The following SIL1 variants were observed in gnomAD, a reference collection of about 807,000 sequenced individuals.
SIL1 encodes SIL1 nucleotide exchange factor.
Under a neutral mutation model 49.1 loss-of-function variants are expected in SIL1, and 40 were observed. The observed-to-expected ratio is 0.81, with a 90% CI of 0.63 to 1.06. The LOEUF (loss-of-function observed/expected upper bound fraction) is 1.06, where lower values mean the gene tolerates loss of function less well. Among genes scored for constraint, SIL1 ranks in the 50% least tolerant of loss-of-function variants. The probability of loss-of-function intolerance (pLI) is 0.00; values close to 1 mark genes in which losing one functional copy is unlikely to be tolerated. For missense variants in SIL1, 500 were observed against 572.6 expected (o/e 0.87, Z 1.29); for synonymous variants, 253 against 250.8 (o/e 1.01, Z -0.08).
rs116283801 is a variant in SIL1 at position 138,967,619 on chromosome 5, T to A, written c.768-15735A>T. 4.4e-3 allele frequency among the ~76,000 whole-genome samples: 669 copies of A among 152,250 alleles called. 4 individuals are homozygous for A. The highest frequency in any genetic ancestry group is 0.016 in the African/African-American group (647 of 41,536). On this transcript the variant is annotated intron_variant, in intron 7 of 9. Transcript: ENST00000394817. ...TTCAGTGGGGGTCAAAATACAACAATCTTCTGTGGGAGATGAGAAGCATAA... is the reference window on the plus strand; with the variant it reads ...TTCAGTGGGGGTCAAAATACAACAAACTTCTGTGGGAGATGAGAAGCATAA...
Position 138,951,895 on chromosome 5 carries a change from A to G in SIL1, c.768-11T>C. The G allele has an allele frequency of 6.2e-7, 1 of 1,610,024 alleles. No homozygotes were observed. Among genetic ancestry groups the G allele is most frequent in the South Asian group, 1.1e-5 (1 of 91,030 alleles). On this transcript the variant is annotated splice_polypyrimidine_tract_variant and intron_variant, in intron 7 of 9. Transcript: ENST00000394817. ...TGGACCTTGGGGTTGCTGGGGAAGA[A>G]GCACAGGACAGCATGACTACCCTGC...
At chr5:139,143,344 C>CACACATATATATATATATAT (rs1451727500) in intron 1 of SIL1, among the ~76,000 whole-genome samples, 2 of 97,504 alleles carry the variant, frequency 2.1e-5, no homozygotes, top group African/African-American at 1.1e-4. Context: ...CACACACACA[C>CACACATATATATATATATAT]ATATATATAT....
intron 7 of SIL1, among the ~76,000 whole-genome samples, chr5:138,976,720 A>G (rs1481505333): frequency 6.6e-6 from 1 of 152,186 alleles, no homozygotes; most frequent in African/African-American, 2.4e-5. Context: ...GTTCGTCTCT[A>G]TAACTGATCT....
chr5:139,137,481 C>A, intron 1 of SIL1: 1 of 554,732 alleles, frequency 1.8e-6, no homozygotes, highest in Non-Finnish European at 3.2e-6. Context: ...TGTTCTGCAA[C>A]AGTATAAATA....
At chr5:139,090,787 G>A in intron 3 of SIL1, among the ~76,000 whole-genome samples, 1 of 151,618 alleles carries the variant, frequency 6.6e-6, no homozygotes, top group South Asian at 2.1e-4. Context: ...TTTCTTTTTT[G>A]TAGAGACAGG....
At chr5:139,045,958 C>T (rs558173297) in intron 4 of SIL1, among the ~76,000 whole-genome samples, 1 of 152,222 alleles carries the variant, frequency 6.6e-6, no homozygotes, top group South Asian at 2.1e-4. Flanking sequence ...GAAATGACAT[C>T]CTAATTCTGT....
chr5:139,127,885 A>G (rs1750785261), intron 1 of SIL1, 32 bp from the exon 2 acceptor site: 1 of 1,375,486 alleles, frequency 7.3e-7, no homozygotes, highest in Admixed American at 1.9e-5. Context: ...ACAGAAGGTC[A>G]ATGAAAAGCT....
At chr5:139,028,315 TG>T (rs1561834749) in intron 5 of SIL1, among the ~76,000 whole-genome samples, 1 of 151,618 alleles carries the variant, frequency 6.6e-6, no homozygotes, top group East Asian at 1.9e-4. Flanking sequence ...CTGACCAATA[TG>T]GTGAAACCCC....
chr5:139,189,200 A>G (rs1373338083), intron 1 of SIL1, among the ~76,000 whole-genome samples: 1 of 152,202 alleles, frequency 6.6e-6, no homozygotes, highest in Non-Finnish European at 1.5e-5. Flanking sequence ...GTAGCCTATC[A>G]GAAACCCATC....
In SIL1 at chr5:138,948,698, C is replaced by T. The variant is rs184113697; in HGVS notation, c.1030-1225G>A. 1.3e-5 allele frequency among the ~76,000 whole-genome samples: 2 copies of T among 152,320 alleles called. No individual in the cohort carries two copies. Among genetic ancestry groups the T allele is most frequent in the Non-Finnish European group, 2.9e-5 (2 of 68,026 alleles). ...ACCGCCACTGACCGGCCTCCCCTGACTGGCCTTCTCTGCTTATATGCTGCT... is the reference window on the plus strand; with the variant it reads ...ACCGCCACTGACCGGCCTCCCCTGATTGGCCTTCTCTGCTTATATGCTGCT... On this transcript the variant is annotated intron_variant, in intron 9 of 9. Coordinates refer to ENST00000394817, the MANE Select transcript of SIL1 (RefSeq NM_022464.5). This position sits in a 1 kb window ranked among gnomAD's most constrained non-coding sequence, Gnocchi z 4.8.
chr5:139,006,809 A>G (rs1232903145), intron 7 of SIL1, among the ~76,000 whole-genome samples: 5 of 147,596 alleles, frequency 3.4e-5, no homozygotes, highest in African/African-American at 1.0e-4. Flanking sequence ...GTTCTGTTCC[A>G]TTGATCTATA....
intron 3 of SIL1, among the ~76,000 whole-genome samples, chr5:139,099,567 C>T (rs1414038625): frequency 6.6e-6 from 1 of 151,782 alleles, no homozygotes; most frequent in Non-Finnish European, 1.5e-5. Flanking sequence ...AAATGTGGTA[C>T]ATATACACAA....
chr5:139,134,459 G>C (rs535662006), intron 1 of SIL1, among the ~76,000 whole-genome samples: 185 of 152,204 alleles, frequency 1.2e-3, no homozygotes, highest in African/African-American at 3.5e-3. Context: ...GAATGGAAAT[G>C]ATGACTGCTG....
intron 3 of SIL1, among the ~76,000 whole-genome samples, chr5:139,060,153 C>T (rs1481458035): frequency 6.6e-6 from 1 of 152,212 alleles, no homozygotes; most frequent in Admixed American, 6.5e-5. Flanking sequence ...TCCTGCCCCT[C>T]CATATCCTGA....
At chr5:139,053,839 G>T (rs748539717) in intron 3 of SIL1, among the ~76,000 whole-genome samples, 6 of 152,316 alleles carry the variant, frequency 3.9e-5, no homozygotes, top group Non-Finnish European at 8.8e-5. Flanking sequence ...GCCTCCAAAA[G>T]ATTTCACAGC....
intron 3 of SIL1, among the ~76,000 whole-genome samples, chr5:139,078,999 T>C (rs1770011710): frequency 6.6e-6 from 1 of 152,246 alleles, no homozygotes. Flanking sequence ...ACTTGAAATG[T>C]GACTAGTGAT....
intron 3 of SIL1, among the ~76,000 whole-genome samples, chr5:139,059,328 G>A (rs1769531451): frequency 6.6e-6 from 1 of 152,176 alleles, no homozygotes; most frequent in Admixed American, 6.5e-5. Context: ...CTGCTGCCAT[G>A]TAAAGACATG....
At chr5:139,034,392 T>G (rs916388087) in intron 5 of SIL1, 1 of 152,118 alleles carries the variant, frequency 6.6e-6, no homozygotes, top group Non-Finnish European at 1.5e-5. Flanking sequence ...TTTTGTTTCC[T>G]CCAGTTTTTG....
intron 1 of SIL1, among the ~76,000 whole-genome samples, chr5:139,177,019 G>A (rs1019114498): frequency 3.6e-5 from 5 of 137,316 alleles, no homozygotes; most frequent in Admixed American, 2.5e-4. Context: ...TGCAAGCTCC[G>A]CTTTCTGGGT....
Sources: allele counts gnomAD v4.1 joint callset (sites outside exome capture counted in the v4.1 genomes callset), GRCh38; gene constraint gnomAD v4.1.1; non-coding constraint Gnocchi (gnomAD v3.1); transcripts MANE v1.5; gene names NCBI Gene and HGNC (gene_info 2026-07-23, HGNC 2026-07-21).